Variants in AOPEP observed in about 807,000 individuals in gnomAD.
AOPEP encodes aminopeptidase O.
A neutral mutation model predicts 98.1 loss-of-function variants in AOPEP; 77 were observed. The ratio of observed to expected loss-of-function variants is 0.78; its 90% CI spans 0.65 to 0.95. The LOEUF (loss-of-function observed/expected upper bound fraction) is 0.95. Ranked by LOEUF, AOPEP falls within the 40% of genes least tolerant of loss-of-function variation. AOPEP has a pLI of 0.00. For synonymous variants in AOPEP, 346 were observed against 365.3 expected, an observed-to-expected ratio of 0.95 and a Z score of 0.60; for missense variants, 1,024 against 1,024.7, an observed-to-expected ratio of 1.00 and a Z score of 0.01.
At chr9:94,963,037 T>C (rs1034713748) in intron 9 of AOPEP, among the ~76,000 whole-genome samples, 7 of 152,106 alleles carry the variant, frequency 4.6e-5, no homozygotes, top group African/African-American at 1.7e-4. Flanking sequence ...AGCCACCGCA[T>C]CCAGCCAATA....
At chr9:95,061,933 T>C (rs764763940) in intron 14 of AOPEP, among the ~76,000 whole-genome samples, 1 of 152,240 alleles carries the variant, frequency 6.6e-6, no homozygotes, top group African/African-American at 2.4e-5. Flanking sequence ...TTTTAATTAG[T>C]GTTTAAAAGA....
the AOPEP span, among the ~76,000 whole-genome samples, chr9:95,136,932 G>A: frequency 6.6e-6 from 1 of 152,166 alleles, no homozygotes. Context: ...CTGGCTCTGG[G>A]ATACAGTAGA....
chr9:94,884,025 C>T (rs541977418), intron 5 of AOPEP, among the ~76,000 whole-genome samples: 28 of 152,276 alleles, frequency 1.8e-4, no homozygotes, highest in African/African-American at 6.5e-4. Flanking sequence ...TTGCTTCTAC[C>T]TTGACATTTC....
chr9:94,887,739 C>T (rs557185711), intron 5 of AOPEP, among the ~76,000 whole-genome samples: 18 of 152,300 alleles, frequency 1.2e-4, no homozygotes, highest in Non-Finnish European at 8.8e-5. Flanking sequence ...TTCCTGTCCA[C>T]GGGCAGACAG....
At chr9:94,793,358 C>G (rs1287486714) in intron 4 of AOPEP, among the ~76,000 whole-genome samples, 1 of 125,192 alleles carries the variant, frequency 8.0e-6, no homozygotes, top group Non-Finnish European at 1.8e-5. Flanking sequence ...AAACAAAAAA[C>G]AAAACAAAAC....
intron 5 of AOPEP, among the ~76,000 whole-genome samples, chr9:94,867,657 C>G (rs552897344): frequency 6.6e-6 from 1 of 152,292 alleles, no homozygotes; most frequent in South Asian, 2.1e-4. Context: ...AGTTTTCTAG[C>G]CAGGATAGCT....
intron 9 of AOPEP, among the ~76,000 whole-genome samples, chr9:94,957,374 A>C (rs2058539665): frequency 6.6e-6 from 1 of 151,946 alleles, no homozygotes; most frequent in African/African-American, 2.4e-5. Context: ...CACCCTGCTA[A>C]TTTTTGTATT....
At chr9:94,781,091 C>A (rs541946780) in intron 3 of AOPEP, among the ~76,000 whole-genome samples, 1 of 142,406 alleles carries the variant, frequency 7.0e-6, no homozygotes, top group African/African-American at 2.6e-5. Flanking sequence ...AGTTGTTATT[C>A]TTTTTTTTTT....
rs1175049648 is a variant in AOPEP at position 95,038,661 on chromosome 9, C to A, written c.2116-22033C>A. ...AGGTGCCCTGCAAGAGAAGGCATCT[C>A]CTCAAGGGAACGAGTCTTGTTAAGG... On this transcript the variant is annotated intron_variant, in intron 13 of 16. Coordinates refer to ENST00000375315, the MANE Select transcript of AOPEP (RefSeq NM_001193329.3). Among the ~76,000 whole-genome samples the A allele has an allele frequency of 2.6e-5, 4 of 152,356 alleles. No individual in the cohort carries two copies. The East Asian group carries it at 7.7e-4, about 29-fold the overall frequency.
At chr9:94,959,075 G>A (rs904184522) in intron 9 of AOPEP, among the ~76,000 whole-genome samples, 1 of 147,696 alleles carries the variant, frequency 6.8e-6, no homozygotes, top group African/African-American at 2.7e-5. Context: ...ATGGAGTCTC[G>A]CTCTGTCACC....
At chr9:95,103,995 G>A in the AOPEP span, among the ~76,000 whole-genome samples, 1 of 152,176 alleles carries the variant, frequency 6.6e-6, no homozygotes. Context: ...AGGTGGCTGC[G>A]CTCGTGCTAG....
At chr9:95,147,998 A>C in the AOPEP span, among the ~76,000 whole-genome samples, 1 of 152,222 alleles carries the variant, frequency 6.6e-6, no homozygotes. Flanking sequence ...TTTTCCTGGA[A>C]TAACCGTGTT....
At chr9:94,836,007 A>G (rs2041554321) in intron 5 of AOPEP, among the ~76,000 whole-genome samples, 1 of 152,230 alleles carries the variant, frequency 6.6e-6, no homozygotes, top group Non-Finnish European at 1.5e-5. Context: ...GCAGTGGTAC[A>G]GGGTAGGGAT....
chr9:95,135,460 C>T, the AOPEP span: 1 of 1,613,944 alleles, frequency 6.2e-7, no homozygotes, highest in South Asian at 1.1e-5. Context: ...GGTGCCGAAG[C>T]CAGAGGCAGA....
intron 5 of AOPEP, among the ~76,000 whole-genome samples, chr9:94,863,812 A>T (rs2045393193): frequency 6.6e-6 from 1 of 152,202 alleles, no homozygotes; most frequent in Non-Finnish European, 1.5e-5. Context: ...AGGCAGCAGG[A>T]AGGAGGAAAG....
chr9:94,832,794 T>G (rs1856280632), intron 5 of AOPEP, among the ~76,000 whole-genome samples: 1 of 151,098 alleles, frequency 6.6e-6, no homozygotes, highest in Admixed American at 6.6e-5. Flanking sequence ...TCCATTGGAC[T>G]TTTATAAAAA....
intron 10 of AOPEP, 119 bp from the exon 11 acceptor site, chr9:94,979,248 A>C: frequency 3.1e-6 from 2 of 644,822 alleles, no homozygotes; most frequent in South Asian, 4.1e-5. Context: ...CCTTTCTGTA[A>C]AGCACGGGCA....
At chr9:94,958,057 C>A (rs964031494) in intron 9 of AOPEP, among the ~76,000 whole-genome samples, 4 of 152,156 alleles carry the variant, frequency 2.6e-5, no homozygotes, top group South Asian at 4.1e-4. Context: ...ATTCTTTCCT[C>A]CCCCAGCCCC....
chr9:94,936,137 T>C (rs1371575362), intron 7 of AOPEP, among the ~76,000 whole-genome samples: 2 of 152,192 alleles, frequency 1.3e-5, no homozygotes, highest in Admixed American at 1.3e-4. Context: ...TTTCTACTTC[T>C]GGTCTTGCCC....
Sources: allele counts gnomAD v4.1 joint callset (sites outside exome capture counted in the v4.1 genomes callset), GRCh38; gene constraint gnomAD v4.1.1; transcripts MANE v1.5; gene names NCBI Gene and HGNC (gene_info 2026-07-23, HGNC 2026-07-21).